PELI1: variants seen among roughly 807,000 people sequenced by gnomAD.
PELI1 encodes pellino E3 ubiquitin protein ligase 1, also known as E3 ubiquitin-protein ligase pellino homolog 1.
PELI1 carries 15 observed loss-of-function variants against 41.3 expected under a neutral mutation model. The observed-to-expected ratio is 0.36, with a 90% CI of 0.24 to 0.56. The LOEUF (loss-of-function observed/expected upper bound fraction) is 0.56, where lower values mean the gene tolerates loss of function less well. Ranked by LOEUF, PELI1 falls within the 20% of genes least tolerant of loss-of-function variation. The pLI, the probability that PELI1 is intolerant of heterozygous loss-of-function variation, is 0.82. For missense variants in PELI1, 403 were observed against 525.5 expected (o/e 0.77, Z 2.28); for synonymous variants, 178 against 180.1 (o/e 0.99, Z 0.09).
chr2:64,111,379 C>T (rs1053944830), intron 1 of PELI1, among the ~76,000 whole-genome samples: 1 of 152,162 alleles, frequency 6.6e-6, no homozygotes, highest in African/African-American at 2.4e-5. Flanking sequence ...GTGACATACA[C>T]ATTTAGACCA....
intron 2 of PELI1, 147 bp from the exon 3 acceptor site, chr2:64,104,977 G>T (rs1294006386): frequency 6.4e-6 from 4 of 629,060 alleles, no homozygotes; most frequent in African/African-American, 1.8e-5. Flanking sequence ...AGCAACTGTT[G>T]ATCTCCATAC....
chr2:64,122,357 A>C (rs528354115), intron 1 of PELI1, among the ~76,000 whole-genome samples: 216 of 150,976 alleles, frequency 1.4e-3, no homozygotes, highest in Middle Eastern at 0.01. Context: ...AAAAAAAAAA[A>C]AAAACTCCAG....
intron 3 of PELI1, among the ~76,000 whole-genome samples, chr2:64,103,901 A>G (rs145925961): frequency 7.9e-5 from 12 of 152,286 alleles, no homozygotes; most frequent in African/African-American, 1.7e-4. Context: ...GCTCATTACA[A>G]TATTAAATTC....
chr2:64,138,350 G>A (rs1352250585), intron 1 of PELI1, among the ~76,000 whole-genome samples: 1 of 152,126 alleles, frequency 6.6e-6, no homozygotes, highest in Non-Finnish European at 1.5e-5. Flanking sequence ...GACCTGCAAG[G>A]CTTGCTGTGC....
chr2:64,107,740 C>T (rs956924006), intron 2 of PELI1, among the ~76,000 whole-genome samples: 4 of 151,444 alleles, frequency 2.6e-5, no homozygotes, highest in African/African-American at 4.9e-5. Context: ...TGCAGTGGCG[C>T]GATCTCAGCT....
At chr2:64,099,954 T>C (rs1394205853) in intron 4 of PELI1, among the ~76,000 whole-genome samples, 1 of 152,224 alleles carries the variant, frequency 6.6e-6, no homozygotes, top group East Asian at 1.9e-4. Context: ...GTGCCTGGAT[T>C]GTTTATTGTC....
At position 64,122,338 on chromosome 2, in the gene PELI1, A is replaced by G. The variant is rs1327735151; in HGVS notation, c.-69-13959T>C. Among the ~76,000 whole-genome samples the G allele has an allele frequency of 8.8e-5, 12 of 135,994 alleles. No homozygotes were observed. In the East Asian group the frequency reaches 2.7e-3, roughly 31 times the overall value. The allele number at this position is 135,994 out of a possible 152,430, so 89.2% of individuals were successfully genotyped here. On this transcript the variant is annotated intron_variant, in intron 1 of 6. Coordinates refer to ENST00000358912, the MANE Select transcript of PELI1 (RefSeq NM_020651.4). Reference sequence around the variant, plus strand: ...AAATGATAAACTTTCAGTACTCTGAAACTTAAAAAAAAAAAAAAAAAAACT... The same window carrying G: ...AAATGATAAACTTTCAGTACTCTGAGACTTAAAAAAAAAAAAAAAAAAACT...
At chr2:64,116,098 C>T (rs4671082) in intron 1 of PELI1, among the ~76,000 whole-genome samples, 46,592 of 152,018 alleles carry the variant, frequency 0.31, 7,796 homozygotes, top group East Asian at 0.77. Flanking sequence ...GAAAAACATA[C>T]ACATTAGAAG....
At chr2:64,113,713 T>TCTA (rs1355202233) in intron 1 of PELI1, among the ~76,000 whole-genome samples, 4 of 152,172 alleles carry the variant, frequency 2.6e-5, no homozygotes, top group African/African-American at 9.7e-5. Flanking sequence ...AAAATATGTA[T>TCTA]TTATTAGGAA....
At chr2:64,119,616 T>C (rs1681140181) in intron 1 of PELI1, among the ~76,000 whole-genome samples, 1 of 152,106 alleles carries the variant, frequency 6.6e-6, no homozygotes, top group Admixed American at 6.5e-5. Flanking sequence ...AGAATTCACT[T>C]CTCCCTCACC....
intron 1 of PELI1, among the ~76,000 whole-genome samples, chr2:64,118,753 ATATT>A (rs1167123928): frequency 3.3e-5 from 5 of 152,162 alleles, no homozygotes; most frequent in African/African-American, 1.2e-4. Context: ...CCTTATGATA[ATATT>A]TAAATATTAA....
chr2:64,132,712 G>A (rs1226598155), intron 1 of PELI1, among the ~76,000 whole-genome samples: 4 of 152,110 alleles, frequency 2.6e-5, no homozygotes, highest in Admixed American at 6.5e-5. Context: ...ATAGTGATAC[G>A]AAAGAGCTGG....
In PELI1 at chr2:64,094,467, A is replaced by C; in HGVS notation, c.*235T>G. 1 of 431,392 alleles carries C rather than the reference A, an allele frequency of 2.3e-6. No individual in the cohort carries two copies. 26.7% of individuals were successfully genotyped at this position (431,392 alleles called of 1,614,324 possible). A position where few individuals can be genotyped will look rare whatever the true frequency, so the allele number is the denominator to read the frequency against. On this transcript the variant is annotated 3_prime_UTR_variant, in exon 7 of 7. Transcript: ENST00000358912. ...AATTAGACTATGTCTTTTTCTCCTC[A>C]AAATATATTTTCAAAACTCAGAATT... is the stretch of plus-strand genomic sequence containing the variant.
chr2:64,123,925 G>A (rs1475798410), intron 1 of PELI1, among the ~76,000 whole-genome samples: 2 of 152,120 alleles, frequency 1.3e-5, no homozygotes, highest in African/African-American at 4.8e-5. Context: ...ACAAAATGTG[G>A]TATATCCATA....
intron 1 of PELI1, among the ~76,000 whole-genome samples, chr2:64,117,498 T>TA (rs11454015): frequency 0.31 from 46,754 of 152,008 alleles, 7,831 homozygotes; most frequent in East Asian, 0.77. Flanking sequence ...AATATCTAAA[T>TA]AGAGCATATA....
chr2:64,107,121 G>T (rs560725648), intron 2 of PELI1, among the ~76,000 whole-genome samples: 4 of 152,130 alleles, frequency 2.6e-5, no homozygotes, highest in African/African-American at 9.6e-5. Context: ...TGAAGATGGG[G>T]TTTCACCATG....
At chr2:64,132,279 T>C (rs1028450503) in intron 1 of PELI1, among the ~76,000 whole-genome samples, 1 of 152,130 alleles carries the variant, frequency 6.6e-6, no homozygotes, top group African/African-American at 2.4e-5. Context: ...AAATCTGAAA[T>C]CCAAAATGCT....
At chr2:64,122,262 T>C (rs1319389524) in intron 1 of PELI1, among the ~76,000 whole-genome samples, 2 of 151,404 alleles carry the variant, frequency 1.3e-5, no homozygotes, top group Non-Finnish European at 2.9e-5. Flanking sequence ...CTTCCGTATT[T>C]TCCTCTACGA....
At chr2:64,139,611 A>G (rs1213845679) in intron 1 of PELI1, among the ~76,000 whole-genome samples, 1 of 152,214 alleles carries the variant, frequency 6.6e-6, no homozygotes, top group African/African-American at 2.4e-5. Flanking sequence ...CTTAAAACGC[A>G]ATGTATTTTA....
Sources: gnomAD v4.1 joint callset for allele counts (sites outside exome capture counted in the v4.1 genomes callset) on GRCh38, gnomAD v4.1.1 for gene constraint, MANE v1.5 for transcripts, NCBI Gene and HGNC (gene_info 2026-07-23, HGNC 2026-07-21) for gene names.